The following LPCAT1 variants were observed in gnomAD, a reference collection of about 807,000 sequenced individuals.
LPCAT1 encodes the protein lysophosphatidylcholine acyltransferase 1.
Under a neutral mutation model 60.9 loss-of-function variants are expected in LPCAT1, and 23 were observed. The ratio of observed to expected loss-of-function variants is 0.38; its 90% CI spans 0.27 to 0.53. LPCAT1 has a LOEUF of 0.53. Ranked by LOEUF, LPCAT1 falls within the 20% of genes least tolerant of loss-of-function variation. The pLI, the probability that LPCAT1 is intolerant of heterozygous loss-of-function variation, is 0.82. For synonymous variants in LPCAT1, 340 were observed against 301.1 expected, an observed-to-expected ratio of 1.13 and a Z score of -1.34; for missense variants, 622 against 723.6, an observed-to-expected ratio of 0.86 and a Z score of 1.61.
In LPCAT1 at chr5:1,477,341, C is replaced by T; in HGVS notation, c.899+63G>A. On this transcript the variant is annotated intron_variant, in intron 9 of 13. Coordinates refer to ENST00000283415, the MANE Select transcript of LPCAT1 (RefSeq NM_024830.5). The surrounding 1 kb of genome is among the most constrained non-coding windows in gnomAD (Gnocchi z 6.0). ...AACGCTGTTGCCTATTTTAAATATA[C>T]AGAGAGCAGCACTCTGGGAGACACC... 7.5e-7 allele frequency: 1 copy of T among 1,340,918 alleles called. No individual in the cohort carries two copies. Among genetic ancestry groups the T allele is most frequent in the Non-Finnish European group, 1.1e-6 (1 of 945,402 alleles). 83.1% of individuals were successfully genotyped at this position (1,340,918 alleles called of 1,614,324 possible).
chr5:1,478,941 G>A (rs920910698), intron 8 of LPCAT1, among the ~76,000 whole-genome samples: 13 of 152,222 alleles, frequency 8.5e-5, no homozygotes, highest in Admixed American at 1.3e-4. Context: ...TGAGAAGGGG[G>A]ATCTTTGACT....
rs1294011890 is a variant in LPCAT1, at chr5:1,463,268, C to T, written c.*383G>A. On this transcript the variant is annotated 3_prime_UTR_variant, in exon 14 of 14. Coordinates refer to ENST00000283415, the MANE Select transcript of LPCAT1 (RefSeq NM_024830.5). ...ACGCAAGCGCACGCTGTGTGGCAGG[C>T]GTGTGCTGAGTGTGCACGGAGGCCC... 1.0e-5 allele frequency: 2 copies of T among 199,270 alleles called. No homozygotes were observed. The highest frequency in any genetic ancestry group is 1.2e-4 in the South Asian group (1 of 8,574). 12.3% of individuals were successfully genotyped at this position (199,270 alleles called of 1,614,324 possible). A position where few individuals can be genotyped will look rare whatever the true frequency, so the allele number is the denominator to read the frequency against.
At chr5:1,509,335 A>T (rs1455425989) in intron 1 of LPCAT1, among the ~76,000 whole-genome samples, 1 of 152,208 alleles carries the variant, frequency 6.6e-6, no homozygotes, top group Non-Finnish European at 1.5e-5. Context: ...AAATTATCCC[A>T]ACTCCACAGG....
chr5:1,484,532 C>T (rs1322004972), intron 5 of LPCAT1, among the ~76,000 whole-genome samples: 2 of 152,210 alleles, frequency 1.3e-5, no homozygotes, highest in African/African-American at 2.4e-5. Flanking sequence ...CCCAGGCTGC[C>T]AGCGAGTGCC....
intron 5 of LPCAT1, among the ~76,000 whole-genome samples, chr5:1,484,012 G>A (rs746492032): frequency 6.6e-6 from 1 of 152,264 alleles, no homozygotes. Flanking sequence ...GACGGGGTTA[G>A]GGTCTGCCCT....
intron 1 of LPCAT1, among the ~76,000 whole-genome samples, chr5:1,512,686 G>C (rs1736392694): frequency 6.6e-6 from 1 of 152,238 alleles, no homozygotes; most frequent in Non-Finnish European, 1.5e-5. Context: ...CCCATCGGGG[G>C]GCTCTGCTGT....
chr5:1,506,106 G>A (rs535858337), intron 1 of LPCAT1, among the ~76,000 whole-genome samples: 8 of 152,354 alleles, frequency 5.3e-5, no homozygotes, highest in African/African-American at 1.7e-4. Context: ...AGGGGAGGGT[G>A]GAGAGGGAAC....
At chr5:1,484,497 G>A (rs566932693) in intron 5 of LPCAT1, among the ~76,000 whole-genome samples, 14 of 152,368 alleles carry the variant, frequency 9.2e-5, no homozygotes, top group Admixed American at 4.6e-4. Flanking sequence ...GGCCAGGCGA[G>A]TGAATCCCCA....
intron 5 of LPCAT1, among the ~76,000 whole-genome samples, chr5:1,486,284 GCACCCCT>G (rs1405257451): frequency 3.3e-5 from 5 of 152,218 alleles, no homozygotes; most frequent in Non-Finnish European, 4.4e-5. Flanking sequence ...CTCAGAGGCG[GCACCCCT>G]GGCCTGGGTC....
chr5:1,497,536 C>T (rs553116461), intron 2 of LPCAT1, among the ~76,000 whole-genome samples: 21 of 152,374 alleles, frequency 1.4e-4, no homozygotes, highest in Admixed American at 1.3e-3. Flanking sequence ...GGCCCTGGGG[C>T]CACGTCTGGC....
intron 5 of LPCAT1, among the ~76,000 whole-genome samples, chr5:1,485,760 G>A (rs1227116519): frequency 3.3e-5 from 5 of 151,768 alleles, no homozygotes; most frequent in African/African-American, 4.9e-5. Flanking sequence ...CTCACAGCCC[G>A]TGCAGGGAGG....
At chr5:1,501,749 G>T in intron 1 of LPCAT1, 146 bp from the exon 2 acceptor site, 1 of 831,616 alleles carries the variant, frequency 1.2e-6, no homozygotes. Context: ...GCTGACCAAG[G>T]CTGACCAGCA....
rs1005952849 is a variant in LPCAT1 at position 1,502,467 on chromosome 5, G to C, written c.136-864C>G. 1.6e-4 allele frequency among the ~76,000 whole-genome samples: 24 copies of C among 152,284 alleles called. No individual in the cohort carries two copies. The highest frequency in any genetic ancestry group is 4.1e-4 in the African/African-American group (17 of 41,542). Reference sequence around the variant, plus strand: ...GACTTTCCAGTCAATGGAAGACCCGGCGCAGGAGAGTGAACTGGCGGGAGG... The same window carrying C: ...GACTTTCCAGTCAATGGAAGACCCGCCGCAGGAGAGTGAACTGGCGGGAGG... On this transcript the variant is annotated intron_variant, in intron 1 of 13. Transcript: ENST00000283415. This position sits in a 1 kb window ranked among gnomAD's most constrained non-coding sequence, Gnocchi z 5.5.
At position 1,499,785 on chromosome 5, in the gene LPCAT1, G is replaced by A. The variant is rs572573373; in HGVS notation, c.278+1676C>T. On this transcript the variant is annotated intron_variant, in intron 2 of 13. Transcript: ENST00000283415. ...GCACGCAACGGTGCGGCAAACCCGG[G>A]ACCCTAAGTGGCCGTCTTCCCCCTG... Among the ~76,000 whole-genome samples, 15 of 152,324 alleles carry A rather than the reference G, an allele frequency of 9.8e-5. No homozygotes were observed. The South Asian group carries it at 2.9e-3, about 29-fold the overall frequency.
intron 1 of LPCAT1, among the ~76,000 whole-genome samples, chr5:1,511,937 C>A (rs1259005785): frequency 3.9e-5 from 6 of 152,170 alleles, no homozygotes; most frequent in Non-Finnish European, 5.9e-5. Context: ...TGAGCTGCAG[C>A]CCCAGCTGTC....
chr5:1,479,854 C>A (rs1005687725), intron 7 of LPCAT1, among the ~76,000 whole-genome samples, 179 bp from the exon 8 acceptor site: 1 of 152,008 alleles, frequency 6.6e-6, no homozygotes. Flanking sequence ...GACGTACAGC[C>A]GTGGGTGGAA....
At chr5:1,492,535 TC>T (rs1229421335) in intron 3 of LPCAT1, among the ~76,000 whole-genome samples, 1 of 114,262 alleles carries the variant, frequency 8.8e-6, no homozygotes, top group Non-Finnish European at 1.8e-5. Context: ...AACGAAAATT[TC>T]TGATAAGCTT....
rs1005044327 is a variant in LPCAT1 at position 1,487,749 on chromosome 5, G to A, written c.667+642C>T. On this transcript the variant is annotated intron_variant, in intron 5 of 13. Transcript: ENST00000283415. This position sits in a 1 kb window ranked among gnomAD's most constrained non-coding sequence, Gnocchi z 6.1. ...CTTTCTAAAGTAGCCCAAGGGAGAC[G>A]ACAGGATCCAGGTGGACCCTCTGAC... Among the ~76,000 whole-genome samples, 5 of 152,070 alleles carry A rather than the reference G, an allele frequency of 3.3e-5. No individual in the cohort carries two copies. The highest frequency in any genetic ancestry group is 9.7e-5 in the African/African-American group (4 of 41,376).
At chr5:1,492,312 G>A (rs1735617483) in intron 3 of LPCAT1, among the ~76,000 whole-genome samples, 1 of 151,378 alleles carries the variant, frequency 6.6e-6, no homozygotes, top group African/African-American at 2.4e-5. Flanking sequence ...GGCCTGGGGA[G>A]ACGTCTCTGA....
Sources: gnomAD v4.1 joint callset for allele counts (sites outside exome capture counted in the v4.1 genomes callset) on GRCh38, gnomAD v4.1.1 for gene constraint, Gnocchi (gnomAD v3.1) non-coding constraint, MANE v1.5 for transcripts, NCBI Gene and HGNC (gene_info 2026-07-23, HGNC 2026-07-21) for gene names.